The following SPIN1 variants were observed in gnomAD, a reference collection of about 807,000 sequenced individuals.
SPIN1 encodes spindlin 1.
In SPIN1, 3 loss-of-function variants were observed where a neutral mutation model predicts 26.0. The observed-to-expected ratio is 0.12, with a 90% CI of 0.05 to 0.30. The LOEUF (loss-of-function observed/expected upper bound fraction) is 0.30, where lower values mean the gene tolerates loss of function less well. SPIN1 is among the 10% of genes least tolerant of loss of function. The pLI, the probability that SPIN1 is intolerant of heterozygous loss-of-function variation, is 1.00. For synonymous variants in SPIN1, 101 were observed against 116.5 expected, an observed-to-expected ratio of 0.87 and a Z score of 0.86; for missense variants, 126 against 333.4, an observed-to-expected ratio of 0.38 and a Z score of 4.84.
At chr9:88,443,123 AAAAAAAAAAAAC>A (rs957397088) in intron 2 of SPIN1, among the ~76,000 whole-genome samples, 14 of 151,546 alleles carry the variant, frequency 9.2e-5, no homozygotes, top group African/African-American at 3.4e-4. Context: ...CCATCTCAAA[AAAAAAAAAAAAC>A]AAAAAAAAAC....
At chr9:88,416,390 A>G (rs1467649434) in intron 1 of SPIN1, among the ~76,000 whole-genome samples, 1 of 151,834 alleles carries the variant, frequency 6.6e-6, no homozygotes, top group Admixed American at 6.6e-5. Context: ...GTGTGACTTG[A>G]TCATAGCTCT....
chr9:88,454,994 T>C (rs1370493415), intron 3 of SPIN1, among the ~76,000 whole-genome samples: 1 of 152,244 alleles, frequency 6.6e-6, no homozygotes, highest in Non-Finnish European at 1.5e-5. Flanking sequence ...ATAACAGATA[T>C]TCTTTAATCC....
intron 2 of SPIN1, among the ~76,000 whole-genome samples, chr9:88,434,655 G>T (rs940397584): frequency 3.3e-5 from 5 of 151,988 alleles, no homozygotes; most frequent in Non-Finnish European, 5.9e-5. Context: ...CTTCCTCATT[G>T]TTTTTTTACA....
At chr9:88,440,109 C>T (rs375743205) in intron 2 of SPIN1, among the ~76,000 whole-genome samples, 1 of 151,526 alleles carries the variant, frequency 6.6e-6, no homozygotes, top group East Asian at 1.9e-4. Context: ...TATATGATTC[C>T]ACCTTTTTCC....
intron 1 of SPIN1, chr9:88,411,053 A>G (rs149061821): frequency 1.1e-5 from 18 of 1,585,260 alleles, no homozygotes; most frequent in South Asian, 2.2e-5. Flanking sequence ...TCGGTCAGTC[A>G]TGATTTCAAT....
chr9:88,391,925 G>A (rs1826928476), intron 1 of SPIN1: 1 of 152,178 alleles, frequency 6.6e-6, no homozygotes, highest in Non-Finnish European at 1.5e-5. Context: ...AGGTATCCTG[G>A]AAAGAAATCT....
intron 1 of SPIN1, among the ~76,000 whole-genome samples, chr9:88,417,693 G>C (rs1827595165): frequency 6.6e-6 from 1 of 152,074 alleles, no homozygotes; most frequent in African/African-American, 2.4e-5. Context: ...GGCTAGGCTT[G>C]AACTCCTGAC....
At chr9:88,474,313 G>A (rs4877446) in intron 5 of SPIN1, among the ~76,000 whole-genome samples, 3 of 151,830 alleles carry the variant, frequency 2.0e-5, no homozygotes, top group Non-Finnish European at 4.4e-5. Flanking sequence ...TTGTTTTTTT[G>A]TTGTTGGTGG....
chr9:88,403,749 G>A (rs138943217), intron 1 of SPIN1, among the ~76,000 whole-genome samples: 3 of 152,120 alleles, frequency 2.0e-5, no homozygotes, highest in African/African-American at 7.2e-5. Flanking sequence ...ACTATTAAGT[G>A]TTCTTTTTAA....
intron 4 of SPIN1, among the ~76,000 whole-genome samples, chr9:88,465,405 G>T (rs1202178237): frequency 6.6e-6 from 1 of 152,130 alleles, no homozygotes; most frequent in Non-Finnish European, 1.5e-5. Flanking sequence ...CCATTTTCCA[G>T]TCCTACCTAC....
chr9:88,433,586 G>A (rs1827930233), intron 2 of SPIN1, among the ~76,000 whole-genome samples: 1 of 152,150 alleles, frequency 6.6e-6, no homozygotes, highest in Non-Finnish European at 1.5e-5. Flanking sequence ...CTGCCTTATT[G>A]GGGAGTCTGT....
intron 2 of SPIN1, among the ~76,000 whole-genome samples, chr9:88,435,068 C>T (rs1391744545): frequency 6.6e-6 from 1 of 151,030 alleles, no homozygotes; most frequent in Non-Finnish European, 1.5e-5. Flanking sequence ...AAAAAAAAAG[C>T]TTATCTTTGT....
At chr9:88,400,130 C>T (rs1047124842) in intron 1 of SPIN1, among the ~76,000 whole-genome samples, 1 of 152,166 alleles carries the variant, frequency 6.6e-6, no homozygotes, top group Non-Finnish European at 1.5e-5. Context: ...TTGCCCAGCA[C>T]GGTACTGTCT....
chr9:88,421,838 T>C (rs1827672087), intron 1 of SPIN1, among the ~76,000 whole-genome samples: 1 of 152,084 alleles, frequency 6.6e-6, no homozygotes, highest in Non-Finnish European at 1.5e-5. Flanking sequence ...TTCTGTAAAC[T>C]AGAAATTCGA....
At chr9:88,448,808 T>G (rs1281277466) in intron 2 of SPIN1, 133 bp from the exon 3 acceptor site, 2 of 683,116 alleles carry the variant, frequency 2.9e-6, no homozygotes, top group Non-Finnish European at 4.8e-6. Context: ...ATGGCTTTCT[T>G]AACATGTTTG....
intron 1 of SPIN1, among the ~76,000 whole-genome samples, chr9:88,413,392 T>G (rs1258874518): frequency 6.6e-6 from 1 of 151,322 alleles, no homozygotes; most frequent in Non-Finnish European, 1.5e-5. Flanking sequence ...TTGTTCTGTT[T>G]TTTTTATTTT....
chr9:88,442,776 T>G (rs1467199938), intron 2 of SPIN1, among the ~76,000 whole-genome samples: 2 of 152,244 alleles, frequency 1.3e-5, no homozygotes, highest in East Asian at 3.9e-4. Flanking sequence ...TGGCTTGGCA[T>G]TCTCTGAGCT....
chr9:88,442,920 G>A (rs142282337), intron 2 of SPIN1, among the ~76,000 whole-genome samples: 1 of 151,404 alleles, frequency 6.6e-6, no homozygotes, highest in Non-Finnish European at 1.5e-5. Context: ...AGGAGTTCAA[G>A]ACCAGCCTGA....
intron 2 of SPIN1, among the ~76,000 whole-genome samples, chr9:88,444,904 C>G (rs2118115123): frequency 6.6e-6 from 1 of 152,050 alleles, no homozygotes; most frequent in Non-Finnish European, 1.5e-5. Flanking sequence ...TGTTATTAGC[C>G]AGGATGGTCT....
Sources: gnomAD v4.1 joint callset for allele counts (sites outside exome capture counted in the v4.1 genomes callset) on GRCh38, gnomAD v4.1.1 for gene constraint, MANE v1.5 for transcripts, NCBI Gene and HGNC (gene_info 2026-07-23, HGNC 2026-07-21) for gene names.